Variants in KLHL24 observed in about 807,000 individuals in gnomAD.
KLHL24 encodes the protein kelch-like protein 24.
KLHL24 carries 29 observed loss-of-function variants against 53.4 expected under a neutral mutation model. The ratio of observed to expected loss-of-function variants is 0.54; its 90% CI spans 0.40 to 0.74. The LOEUF is 0.74. Ranked by LOEUF, KLHL24 falls within the 30% of genes least tolerant of loss-of-function variation. The probability of loss-of-function intolerance (pLI) is 0.00; values close to 1 mark genes in which losing one functional copy is unlikely to be tolerated. For missense variants in KLHL24, 504 were observed against 744.0 expected (o/e 0.68, Z 3.75); for synonymous variants, 222 against 253.7 (o/e 0.88, Z 1.19).
chr3:183,640,176 C>T lies in KLHL24; in HGVS notation c.-124-3304C>T, dbSNP rs917815821. 2.6e-5 allele frequency among the ~76,000 whole-genome samples: 4 copies of T among 152,150 alleles called. No homozygotes were observed. The East Asian group carries it at 7.7e-4, about 29-fold the overall frequency. Reference sequence around the variant, plus strand: ...ACCAAACAACAGTAAATTTACACATCAAGTCTAGTCAGAAGCATGAGTAGG... The same window carrying T: ...ACCAAACAACAGTAAATTTACACATTAAGTCTAGTCAGAAGCATGAGTAGG... On this transcript the variant is annotated intron_variant, in intron 1 of 7. Transcript: ENST00000242810.
At chr3:183,648,935 G>A (rs1388037903) in intron 2 of KLHL24, among the ~76,000 whole-genome samples, 1 of 152,100 alleles carries the variant, frequency 6.6e-6, no homozygotes, top group Non-Finnish European at 1.5e-5. Flanking sequence ...CCTAGGAGGT[G>A]GAGATTGCAG....
In KLHL24 at chr3:183,663,166, T is replaced by A. The variant is rs1353918042; in HGVS notation, c.921-292T>A. On this transcript the variant is annotated intron_variant, in intron 3 of 7. Coordinates refer to ENST00000242810, the MANE Select transcript of KLHL24 (RefSeq NM_017644.3). This position sits in a 1 kb window ranked among gnomAD's most constrained non-coding sequence, Gnocchi z 4.9. The stretch of plus-strand genomic sequence containing the variant: ...AAAGTCATCCTTAATATTGCCAGGA[T>A]TCTGATTGGGTTAGATAGGATCTTT... Among the ~76,000 whole-genome samples, 1 of 152,284 alleles carries A rather than the reference T, an allele frequency of 6.6e-6. No homozygotes were observed. The highest frequency in any genetic ancestry group is 2.1e-4 in the South Asian group (1 of 4,826).
rs117454501 is a variant in KLHL24 at position 183,661,669 on chromosome 3, T to C, written c.921-1789T>C. Among the ~76,000 whole-genome samples, 17 of 152,352 alleles carry C rather than the reference T, an allele frequency of 1.1e-4. No individual in the cohort carries two copies. In the East Asian group the frequency reaches 2.5e-3, roughly 22 times the overall value. ...AGCTTCTCATGCTGTTTTCTCTTTC[T>C]GTTCCAAAGTACAAAAACAGATAAC... On this transcript the variant is annotated intron_variant, in intron 3 of 7. Coordinates refer to ENST00000242810, the MANE Select transcript of KLHL24 (RefSeq NM_017644.3).
intron 4 of KLHL24, chr3:183,664,120 CA>C (rs200830692): frequency 1.3e-5 from 2 of 151,548 alleles, no homozygotes; most frequent in Non-Finnish European, 2.9e-5. Flanking sequence ...AAAGCAACAA[CA>C]AAAAAAACAC....
At chr3:183,676,630 C>T (rs1711928376) in intron 7 of KLHL24, among the ~76,000 whole-genome samples, 1 of 152,192 alleles carries the variant, frequency 6.6e-6, no homozygotes, top group African/African-American at 2.4e-5. Flanking sequence ...GTTTGTCCTT[C>T]ACCATTTCCA....
chr3:183,658,951 G>A (rs1719307524), intron 3 of KLHL24, among the ~76,000 whole-genome samples: 1 of 151,836 alleles, frequency 6.6e-6, no homozygotes, highest in South Asian at 2.1e-4. Flanking sequence ...CTACAGGCAT[G>A]GGTCACCATG....
intron 3 of KLHL24, among the ~76,000 whole-genome samples, chr3:183,652,047 T>G (rs780178802): frequency 5.3e-5 from 8 of 152,142 alleles, no homozygotes; most frequent in Non-Finnish European, 1.2e-4. Context: ...TGGTATACAT[T>G]GAGTGAATTC....
intron 7 of KLHL24, among the ~76,000 whole-genome samples, chr3:183,675,728 T>G (rs944243764): frequency 3.3e-5 from 5 of 151,230 alleles, no homozygotes; most frequent in Non-Finnish European, 2.9e-5. Context: ...AGGCCAAGAG[T>G]TAGGGACCAG....
At chr3:183,636,047 C>T (rs1337984463) in intron 1 of KLHL24, among the ~76,000 whole-genome samples, 1 of 150,796 alleles carries the variant, frequency 6.6e-6, no homozygotes, top group Non-Finnish European at 1.5e-5. Context: ...GGCCCGGAAC[C>T]GCGGCGCGGC....
At chr3:183,657,178 T>A (rs1719031876) in intron 3 of KLHL24, among the ~76,000 whole-genome samples, 1 of 152,182 alleles carries the variant, frequency 6.6e-6, no homozygotes, top group Non-Finnish European at 1.5e-5. Context: ...TAATTTTCCA[T>A]TTTGGTAGGC....
chr3:183,669,860 G>A (rs1181875225), intron 5 of KLHL24, among the ~76,000 whole-genome samples: 1 of 152,124 alleles, frequency 6.6e-6, no homozygotes, highest in Non-Finnish European at 1.5e-5. Context: ...TAAAGGAAGG[G>A]GTATATGTGA....
chr3:183,665,009 G>A lies in KLHL24; in HGVS notation c.1194G>A (p.Trp398Ter). ...TTGCCTCTCTCAATAAAGGCAGATGGCGTCACAAAATGGCTGTCCTCCTTG... is the reference window on the plus strand; with the variant it reads ...TTGCCTCTCTCAATAAAGGCAGATGACGTCACAAAATGGCTGTCCTCCTTG... Reference protein sequence around the residue: ...IRVASLNKGRWRHKMAVLLGK... With the variant: ...IRVASLNKGR Residue 398 changes from tryptophan to a stop codon, truncating the protein, a stop_gained, in exon 5 of 8, where the codon TGG becomes TGA. Coordinates refer to ENST00000242810, the MANE Select transcript of KLHL24 (RefSeq NM_017644.3). LOFTEE classifies it high-confidence loss of function. The A allele has an allele frequency of 6.2e-7, 1 of 1,609,300 alleles. No homozygotes were observed. Among genetic ancestry groups the A allele is most frequent in the Non-Finnish European group, 8.5e-7 (1 of 1,176,330 alleles).
chr3:183,644,936 A>T (rs1717011709), intron 2 of KLHL24, among the ~76,000 whole-genome samples: 1 of 152,254 alleles, frequency 6.6e-6, no homozygotes. Context: ...GTGAAAATGT[A>T]TGCAGGAAGA....
chr3:183,676,521 G>C (rs1308299750), intron 7 of KLHL24, among the ~76,000 whole-genome samples: 1 of 152,100 alleles, frequency 6.6e-6, no homozygotes, highest in Non-Finnish European at 1.5e-5. Context: ...ACCCAATACT[G>C]TTGCTTTTTA....
At chr3:183,654,516 A>G (rs1435858427) in intron 3 of KLHL24, among the ~76,000 whole-genome samples, 1 of 151,264 alleles carries the variant, frequency 6.6e-6, no homozygotes, top group Non-Finnish European at 1.5e-5. Context: ...AAATTTTTAT[A>G]TATGTTTTTT....
At chr3:183,645,737 A>G (rs759445374) in intron 2 of KLHL24, among the ~76,000 whole-genome samples, 1 of 152,226 alleles carries the variant, frequency 6.6e-6, no homozygotes, top group Non-Finnish European at 1.5e-5. Context: ...AATCTGCAAA[A>G]CATAATTGGG....
intron 5 of KLHL24, among the ~76,000 whole-genome samples, chr3:183,666,041 C>T (rs1285692494): frequency 6.6e-6 from 1 of 152,044 alleles, no homozygotes. Flanking sequence ...CGCCACCACA[C>T]CTGGCTAATT....
Position 183,684,156 on chromosome 3 carries a change from G to A in KLHL24, c.*4870G>A, listed in dbSNP as rs373228090. On this transcript the variant is annotated 3_prime_UTR_variant, in exon 8 of 8. Transcript: ENST00000242810. Reference sequence around the variant, plus strand: ...CTTTTTCATTTACCTTTTTGAAAAAGCACTTACTCTCCCCTTCCCTATCAC... The same window carrying A: ...CTTTTTCATTTACCTTTTTGAAAAAACACTTACTCTCCCCTTCCCTATCAC... 5 of 151,618 alleles carry A rather than the reference G, an allele frequency of 3.3e-5. No individual in the cohort carries two copies. Among genetic ancestry groups the A allele is most frequent in the African/African-American group, 1.2e-4 (5 of 41,134 alleles). The allele number at this position is 151,618 out of a possible 1,614,324, so 9.4% of individuals were successfully genotyped here.
At chr3:183,678,337 A>T (rs552971712) in intron 7 of KLHL24, among the ~76,000 whole-genome samples, 2 of 152,296 alleles carry the variant, frequency 1.3e-5, no homozygotes, top group South Asian at 2.1e-4. Context: ...CCATATAATG[A>T]ATATTGTTCC....
Sources: gnomAD v4.1 joint callset for allele counts (sites outside exome capture counted in the v4.1 genomes callset) on GRCh38, gnomAD v4.1.1 for gene constraint, Gnocchi (gnomAD v3.1) non-coding constraint, MANE v1.5 for transcripts, NCBI Gene and HGNC (gene_info 2026-07-23, HGNC 2026-07-21) for gene names.